The following C13orf42 variants were observed in gnomAD, a reference collection of about 807,000 sequenced individuals.
The protein encoded by C13orf42 is chromosome 13 open reading frame 42.
intron 1 of C13orf42, among the ~76,000 whole-genome samples, chr13:51,141,031 T>C (rs1339297355): frequency 6.6e-6 from 1 of 151,964 alleles, no homozygotes; most frequent in Admixed American, 6.6e-5. Context: ...AAAAATTTTT[T>C]TTTTTTGTTA....
intron 1 of C13orf42, among the ~76,000 whole-genome samples, chr13:51,121,773 G>T (rs374229466): frequency 8.3e-4 from 126 of 152,184 alleles, no homozygotes; most frequent in South Asian, 2.3e-3. Flanking sequence ...CTGACCTTGT[G>T]ATCCACCCGC....
At chr13:51,120,257 T>A (rs73485863) in intron 1 of C13orf42, among the ~76,000 whole-genome samples, 6,394 of 152,206 alleles carry the variant, frequency 0.042, 404 homozygotes, top group African/African-American at 0.15. Flanking sequence ...ATGATTATTG[T>A]CCCCACCACA....
chr13:51,156,096 C>T (rs1477326391), intron 1 of C13orf42, among the ~76,000 whole-genome samples: 1 of 152,128 alleles, frequency 6.6e-6, no homozygotes, highest in African/African-American at 2.4e-5. Context: ...GGACCTTGAC[C>T]CCACCCCCGG....
At chr13:51,146,672 TAA>T (rs1953738858) in intron 1 of C13orf42, among the ~76,000 whole-genome samples, 1 of 152,186 alleles carries the variant, frequency 6.6e-6, no homozygotes, top group Non-Finnish European at 1.5e-5. Context: ...CTTTGGTAGA[TAA>T]GAGACAAATG....
At chr13:51,160,532 T>A (rs1953856532) in intron 1 of C13orf42, among the ~76,000 whole-genome samples, 1 of 152,084 alleles carries the variant, frequency 6.6e-6, no homozygotes, top group Admixed American at 6.5e-5. Context: ...ATAAATAAAT[T>A]TGATTTGCTT....
intron 1 of C13orf42, among the ~76,000 whole-genome samples, chr13:51,124,549 C>T (rs569901963): frequency 7.2e-4 from 110 of 152,290 alleles, no homozygotes; most frequent in African/African-American, 2.6e-3. Context: ...CTGGAATCTC[C>T]TGCCTTTTAC....
chr13:51,153,728 G>A (rs182520945), intron 1 of C13orf42, among the ~76,000 whole-genome samples: 27 of 134,204 alleles, frequency 2.0e-4, no homozygotes, highest in Middle Eastern at 4.6e-3. Flanking sequence ...TGCAACCTCC[G>A]TCTCCTGAGC....
intron 1 of C13orf42, among the ~76,000 whole-genome samples, chr13:51,116,628 T>C (rs974220477): frequency 6.6e-6 from 1 of 152,224 alleles, no homozygotes; most frequent in African/African-American, 2.4e-5. Context: ...GAAAATTCCA[T>C]TTAGGAAACT....
rs1953241661 is a variant in C13orf42 at position 51,097,074 on chromosome 13, G to T, written c.415-8999C>A. 2.0e-5 allele frequency among the ~76,000 whole-genome samples: 3 copies of T among 152,140 alleles called. No individual in the cohort carries two copies. The South Asian group carries it at 6.2e-4, about 31-fold the overall frequency. Reference sequence around the variant, plus strand: ...GCTTTCTTCACTCAACGTATCCTGAGGATCACTCTATAGCAGTAAATAGAG... The same window carrying T: ...GCTTTCTTCACTCAACGTATCCTGATGATCACTCTATAGCAGTAAATAGAG... On this transcript the variant is annotated intron_variant, in intron 1 of 3. Transcript: ENST00000563710.
upstream of C13orf42, among the ~76,000 whole-genome samples, chr13:51,116,263 G>C: frequency 6.6e-6 from 1 of 152,284 alleles, no homozygotes; most frequent in African/African-American, 2.4e-5. Context: ...ACAATGGGAG[G>C]TAGGGTAACC....
In C13orf42 at chr13:51,164,912, A is replaced by G. The variant is rs1953892678; in HGVS notation, n.136+7341T>C. Among the ~76,000 whole-genome samples, 4 of 152,306 alleles carry G rather than the reference A, an allele frequency of 2.6e-5. No individual in the cohort carries two copies. In the South Asian group the frequency reaches 8.3e-4, roughly 32 times the overall value. On this transcript the variant is annotated intron_variant and non_coding_transcript_variant, in intron 1 of 4. Transcript: ENST00000433280. ...TCCAGATAAGAGTTTGGCTTTACAT[A>G]CGCTGACTTGGAGATATCCATTAGG...
intron 1 of C13orf42, among the ~76,000 whole-genome samples, chr13:51,164,375 A>T (rs1953889573): frequency 6.6e-6 from 1 of 152,164 alleles, no homozygotes. Flanking sequence ...AAAAACATAA[A>T]TAACAGCCAG....
chr13:51,111,908 C>T (rs915057754), upstream of C13orf42, among the ~76,000 whole-genome samples: 15 of 152,332 alleles, frequency 9.8e-5, no homozygotes, highest in Admixed American at 6.5e-4. Context: ...CAGCCGTTAC[C>T]GGATAGCAGC....
chr13:51,135,526 G>A (rs1290251969), intron 1 of C13orf42, among the ~76,000 whole-genome samples: 4 of 151,478 alleles, frequency 2.6e-5, no homozygotes, highest in African/African-American at 4.9e-5. Flanking sequence ...GGTGGCAGGC[G>A]CCTGTAGTCC....
At chr13:51,153,668 C>T (rs1190968081) in intron 1 of C13orf42, among the ~76,000 whole-genome samples, 2 of 96,884 alleles carry the variant, frequency 2.1e-5, no homozygotes, top group African/African-American at 8.1e-5. Flanking sequence ...GAGACAGGAT[C>T]TCGCTTTGTC....
intron 1 of C13orf42, among the ~76,000 whole-genome samples, chr13:51,146,187 C>T (rs1336382746): frequency 4.2e-5 from 4 of 96,206 alleles, no homozygotes; most frequent in African/African-American, 1.7e-4. Context: ...ATAAAAGGCA[C>T]CCAAAATTAA....
chr13:51,088,410 G>T (rs1334955516), intron 1 of C13orf42, among the ~76,000 whole-genome samples: 1 of 152,068 alleles, frequency 6.6e-6, no homozygotes, highest in African/African-American at 2.4e-5. Flanking sequence ...TTAGGAGATT[G>T]TACAGTTCCT....
chr13:51,156,808 C>T (rs183096932), intron 1 of C13orf42, among the ~76,000 whole-genome samples: 15 of 151,484 alleles, frequency 9.9e-5, no homozygotes, highest in Admixed American at 9.2e-4. Flanking sequence ...GGTGTGTCCC[C>T]ATTTTCCACA....
Position 51,171,362 on chromosome 13 carries a change from G to C in C13orf42, n.136+891C>G, listed in dbSNP as rs1025584358. On this transcript the variant is annotated intron_variant and non_coding_transcript_variant, in intron 1 of 4. Transcript: ENST00000433280. ...GTAAAATAGGCAAACGGTCTGAGGT[G>C]CCTGACGTCCAGGCATTCTTTTACA... is the stretch of plus-strand genomic sequence containing the variant. Among the ~76,000 whole-genome samples the C allele has an allele frequency of 9.3e-4, 142 of 152,224 alleles. 1 individual carries two copies. Among genetic ancestry groups the C allele is most frequent in the South Asian group, 1.9e-3 (9 of 4,816 alleles).
Sources: gnomAD v4.1 joint callset for allele counts (sites outside exome capture counted in the v4.1 genomes callset) on GRCh38, gnomAD v4.1.1 for gene constraint, MANE v1.5 for transcripts, NCBI Gene and HGNC (gene_info 2026-07-23, HGNC 2026-07-21) for gene names.